FOXP2: variants seen among roughly 807,000 people sequenced by gnomAD.
The protein encoded by FOXP2 is forkhead box P2, also known as forkhead box protein P2.
Under a neutral mutation model 115.8 loss-of-function variants are expected in FOXP2, and 12 were observed. The observed-to-expected ratio is 0.10, with a 90% CI of 0.07 to 0.17. The LOEUF (loss-of-function observed/expected upper bound fraction) is 0.17. FOXP2 is among the 10% of genes least tolerant of loss of function. The pLI, the probability that FOXP2 is intolerant of heterozygous loss-of-function variation, is 1.00. For missense variants in FOXP2, 629 were observed against 843.5 expected (o/e 0.75, Z 3.15); for synonymous variants, 328 against 297.7 (o/e 1.10, Z -1.05).
chr7:114,573,739 A>G (rs554699962), intron 3 of FOXP2, among the ~76,000 whole-genome samples: 1 of 151,868 alleles, frequency 6.6e-6, no homozygotes, highest in South Asian at 2.1e-4. Flanking sequence ...CACCTAATTC[A>G]CTTAAAAAAT....
intron 2 of FOXP2, among the ~76,000 whole-genome samples, chr7:114,293,366 G>A (rs1796657323): frequency 6.6e-6 from 1 of 152,040 alleles, no homozygotes; most frequent in African/African-American, 2.4e-5. Flanking sequence ...GGGGAGGCTG[G>A]CTGCCATGGA....
chr7:114,644,528 G>C (rs1218534070), intron 7 of FOXP2, among the ~76,000 whole-genome samples, 157 bp from the exon 8 acceptor site: 1 of 152,142 alleles, frequency 6.6e-6, no homozygotes, highest in Admixed American at 6.6e-5. Flanking sequence ...CTTGGCAGTT[G>C]AACTATTCAA....
At chr7:114,468,465 T>A (rs1795905975) in intron 2 of FOXP2, among the ~76,000 whole-genome samples, 1 of 152,160 alleles carries the variant, frequency 6.6e-6, no homozygotes, top group Non-Finnish European at 1.5e-5. Context: ...TTTTAATGAT[T>A]TAGTGCCAAC....
At chr7:114,275,398 A>T (rs77806707) in intron 1 of FOXP2, among the ~76,000 whole-genome samples, 6,099 of 152,260 alleles carry the variant, frequency 0.04, 296 homozygotes, top group African/African-American at 0.12. Context: ...TTACTGAGAT[A>T]TCCTCAAGTG....
At chr7:114,156,862 T>A (rs964851003) in intron 1 of FOXP2, among the ~76,000 whole-genome samples, 1 of 152,130 alleles carries the variant, frequency 6.6e-6, no homozygotes, top group African/African-American at 2.4e-5. Flanking sequence ...TGAAAAACAA[T>A]CTTAAATTTT....
At chr7:114,094,370 C>G (rs984726709) in intron 1 of FOXP2, among the ~76,000 whole-genome samples, 1 of 152,214 alleles carries the variant, frequency 6.6e-6, no homozygotes. Flanking sequence ...AGATCTCCCT[C>G]TCACATACTT....
intron 3 of FOXP2, among the ~76,000 whole-genome samples, chr7:114,569,086 T>C (rs1563005327): frequency 6.6e-6 from 1 of 151,998 alleles, no homozygotes; most frequent in Non-Finnish European, 1.5e-5. Context: ...TTATTTTTTA[T>C]GTAAATGAGC....
chr7:114,111,081 G>A (rs1279081221), intron 1 of FOXP2, among the ~76,000 whole-genome samples: 2 of 152,108 alleles, frequency 1.3e-5, no homozygotes, highest in African/African-American at 4.8e-5. Flanking sequence ...TAACAGCCCT[G>A]TTAAGGATCT....
intron 2 of FOXP2, among the ~76,000 whole-genome samples, chr7:114,523,901 A>G (rs1798743443): frequency 6.6e-6 from 1 of 152,164 alleles, no homozygotes; most frequent in Admixed American, 6.6e-5. Flanking sequence ...TGAAATGAAT[A>G]GTATATTTAT....
intron 1 of FOXP2, among the ~76,000 whole-genome samples, chr7:114,208,557 A>C (rs1794258652): frequency 6.6e-6 from 1 of 151,918 alleles, no homozygotes; most frequent in Non-Finnish European, 1.5e-5. Flanking sequence ...AGGATATGAG[A>C]TTTGGGAGGG....
In FOXP2 at chr7:114,693,558, C is replaced by T. The variant is rs1280340333; in HGVS notation, c.*3632C>T. 6.6e-6 allele frequency: 3 copies of T among 453,158 alleles called. No individual in the cohort carries two copies. The East Asian group carries it at 2.1e-4, about 31-fold the overall frequency. 28.1% of individuals were successfully genotyped at this position (453,158 alleles called of 1,614,324 possible). On this transcript the variant is annotated 3_prime_UTR_variant, in exon 17 of 17. Coordinates refer to ENST00000350908, the MANE Select transcript of FOXP2 (RefSeq NM_014491.4). ...AACATGGCTTACCCTTGTTATTTCA[C>T]TAGTTCAGGTTGCAACGAAAGGTTT...
intron 3 of FOXP2, among the ~76,000 whole-genome samples, chr7:114,564,941 G>A (rs750870054): frequency 5.7e-4 from 86 of 150,660 alleles, no homozygotes; most frequent in Non-Finnish European, 1.1e-3. Flanking sequence ...TGTGGTGGTT[G>A]TTATATCTTA....
At chr7:114,556,930 A>G (rs1800492446) in intron 3 of FOXP2, among the ~76,000 whole-genome samples, 1 of 152,250 alleles carries the variant, frequency 6.6e-6, no homozygotes, top group African/African-American at 2.4e-5. Context: ...AAAAAACTGT[A>G]AAACAAGCTA....
chr7:114,598,702 T>A (rs756868521), intron 3 of FOXP2, among the ~76,000 whole-genome samples: 19 of 152,150 alleles, frequency 1.2e-4, no homozygotes, highest in Admixed American at 2.6e-4. Context: ...TCTCCAGAAC[T>A]TTTTCATCTT....
rs398005920 is a variant in FOXP2 at position 114,378,684 on chromosome 7, C to CAAAAAAAAAAAAAAAAAAAAAAAAA, written c.-10-47801_-10-47800insAAAAAAAAAAAAAAAAAAAAAAAAA. On this transcript the variant is annotated intron_variant, in intron 2 of 17. Coordinates refer to the FOXP2 transcript ENST00000634411. The stretch of plus-strand genomic sequence containing the variant: ...GTGAGACAATGTAAGACCCTGTCTC[C>CAAAAAAAAAAAAAAAAAAAAAAAAA]AAAAAAAAAAAAAAAAAGGAAAAGA... 1.5e-3 allele frequency among the ~76,000 whole-genome samples: 27 copies of CAAAAAAAAAAAAAAAAAAAAAAAAA among 18,082 alleles called. 6 individuals are homozygous for CAAAAAAAAAAAAAAAAAAAAAAAAA. The highest frequency in any genetic ancestry group is 0.01 in the East Asian group (4 of 400). 11.9% of individuals were successfully genotyped at this position (18,082 alleles called of 152,430 possible).
At chr7:114,565,617 A>C (rs1800981260) in intron 3 of FOXP2, among the ~76,000 whole-genome samples, 1 of 152,146 alleles carries the variant, frequency 6.6e-6, no homozygotes, top group South Asian at 2.1e-4. Context: ...TATGTGATAC[A>C]CAGTAGCCTC....
chr7:114,627,904 T>C (rs1487116942), intron 3 of FOXP2, among the ~76,000 whole-genome samples: 1 of 151,974 alleles, frequency 6.6e-6, no homozygotes, highest in Non-Finnish European at 1.5e-5. Context: ...ATGTATGTCA[T>C]TATTTTTCTG....
chr7:114,620,624 T>A (rs1804197905), intron 3 of FOXP2, among the ~76,000 whole-genome samples: 1 of 152,042 alleles, frequency 6.6e-6, no homozygotes, highest in Non-Finnish European at 1.5e-5. Context: ...GGAAAGTCAG[T>A]TATTAAACAA....
intron 9 of FOXP2, chr7:114,653,510 G>A: frequency 3.2e-6 from 1 of 309,092 alleles, no homozygotes; most frequent in Non-Finnish European, 6.3e-6. Context: ...TGCATGAAGT[G>A]TGTAGACAAT....
Sources: gnomAD v4.1 joint callset for allele counts (sites outside exome capture counted in the v4.1 genomes callset) on GRCh38, gnomAD v4.1.1 for gene constraint, MANE v1.5 for transcripts, NCBI Gene and HGNC (gene_info 2026-07-23, HGNC 2026-07-21) for gene names.